Variants in ADGRL4 observed in about 807,000 individuals in gnomAD.
ADGRL4 encodes the protein adhesion G protein-coupled receptor L4.
Under a neutral mutation model 74.8 loss-of-function variants are expected in ADGRL4, and 90 were observed. The ratio of observed to expected loss-of-function variants is 1.20; its 90% CI spans 1.02 to 1.43. The LOEUF (loss-of-function observed/expected upper bound fraction) is 1.43. ADGRL4 is among the 40% of genes most tolerant of loss of function. ADGRL4 has a pLI of 0.00. For missense variants in ADGRL4, 881 were observed against 814.3 expected, an observed-to-expected ratio of 1.08 and a Z score of -1.00; for synonymous variants, 311 against 279.2, an observed-to-expected ratio of 1.11 and a Z score of -1.14.
intron 2 of ADGRL4, among the ~76,000 whole-genome samples, chr1:78,992,728 C>T (rs1650633129): frequency 6.6e-6 from 1 of 152,036 alleles, no homozygotes; most frequent in Admixed American, 6.6e-5. Context: ...GCAGAAAAAT[C>T]ACAATTTTTA....
chr1:78,938,511 C>A (rs1649407163), intron 4 of ADGRL4, among the ~76,000 whole-genome samples: 1 of 131,140 alleles, frequency 7.6e-6, no homozygotes, highest in African/African-American at 2.8e-5. Context: ...AGAAATAGAG[C>A]ATGTTTGAAT....
At chr1:78,996,224 C>A (rs1185615505) in intron 2 of ADGRL4, among the ~76,000 whole-genome samples, 1 of 152,168 alleles carries the variant, frequency 6.6e-6, no homozygotes, top group Admixed American at 6.6e-5. Flanking sequence ...GGCATCTATT[C>A]ATCCTCCTGA....
chr1:78,899,269 G>T (rs527285125), intron 12 of ADGRL4, among the ~76,000 whole-genome samples: 2 of 152,156 alleles, frequency 1.3e-5, no homozygotes, highest in Non-Finnish European at 2.9e-5. Flanking sequence ...CAACAGATGG[G>T]TTTCTACTGA....
At chr1:78,956,598 T>A (rs1465522765) in intron 2 of ADGRL4, among the ~76,000 whole-genome samples, 3 of 152,194 alleles carry the variant, frequency 2.0e-5, no homozygotes, top group Non-Finnish European at 2.9e-5. Flanking sequence ...TCCCCATTTT[T>A]AAAATCTATT....
At chr1:78,892,809 G>T (rs1648311523) in intron 13 of ADGRL4, among the ~76,000 whole-genome samples, 1 of 151,928 alleles carries the variant, frequency 6.6e-6, no homozygotes, top group African/African-American at 2.4e-5. Context: ...GTTCTGAAAA[G>T]CATTTTACAA....
chr1:78,976,350 C>A (rs901872914), intron 2 of ADGRL4, among the ~76,000 whole-genome samples: 1 of 151,778 alleles, frequency 6.6e-6, no homozygotes, highest in Non-Finnish European at 1.5e-5. Context: ...GAAAATAGGA[C>A]ATTGGGTAGA....
intron 7 of ADGRL4, among the ~76,000 whole-genome samples, chr1:78,935,060 A>G (rs189617347): frequency 2.1e-4 from 32 of 152,308 alleles, no homozygotes; most frequent in Admixed American, 7.2e-4. Flanking sequence ...CTGGGTATGT[A>G]CCCAAAGGAT....
chr1:78,986,860 T>A (rs1037018252), intron 2 of ADGRL4, among the ~76,000 whole-genome samples: 1 of 151,728 alleles, frequency 6.6e-6, no homozygotes, highest in Non-Finnish European at 1.5e-5. Flanking sequence ...ATAGTAAAAA[T>A]GTATCTTGGA....
intron 12 of ADGRL4, among the ~76,000 whole-genome samples, chr1:78,894,834 T>C (rs138365670): frequency 1.3e-4 from 19 of 151,950 alleles, no homozygotes; most frequent in African/African-American, 4.3e-4. Context: ...AGCTGTTCTC[T>C]AGATCCACAA....
At chr1:79,002,937 T>C (rs936867919) in intron 2 of ADGRL4, among the ~76,000 whole-genome samples, 5 of 152,150 alleles carry the variant, frequency 3.3e-5, no homozygotes, top group African/African-American at 1.2e-4. Context: ...GCTCTTTTAA[T>C]ATGTTTAGTG....
At chr1:78,987,721 A>G (rs1650526736) in intron 2 of ADGRL4, among the ~76,000 whole-genome samples, 3 of 151,778 alleles carry the variant, frequency 2.0e-5, no homozygotes, top group Admixed American at 6.6e-5. Context: ...ATTTATATGG[A>G]GAGTTTCTTT....
chr1:78,924,831 G>A (rs531069681), intron 8 of ADGRL4, among the ~76,000 whole-genome samples: 11 of 152,052 alleles, frequency 7.2e-5, no homozygotes, highest in African/African-American at 1.9e-4. Context: ...AAGCATGAGC[G>A]GATGGATAGT....
intron 12 of ADGRL4, among the ~76,000 whole-genome samples, chr1:78,901,366 G>C (rs908107366): frequency 6.6e-5 from 10 of 152,112 alleles, no homozygotes; most frequent in Non-Finnish European, 1.3e-4. Flanking sequence ...TCAAAGGAAG[G>C]GGGGCTACAT....
intron 7 of ADGRL4, among the ~76,000 whole-genome samples, chr1:78,929,579 T>C (rs1649196839): frequency 1.3e-5 from 2 of 151,566 alleles, no homozygotes; most frequent in Admixed American, 1.3e-4. Context: ...CCAATGGTAC[T>C]GTTTATGTTT....
rs192303149 is a variant in ADGRL4, at chr1:78,972,972, G to A, written c.173-26546C>T. On this transcript the variant is annotated intron_variant, in intron 2 of 14. Coordinates refer to ENST00000370742, the MANE Select transcript of ADGRL4 (RefSeq NM_022159.4). ...CAGCTATGAACATAGGACTGATTTC[G>A]GTTGCAAAGCACATACTTCTGTAGT... is the stretch of plus-strand genomic sequence containing the variant. 3.2e-4 allele frequency among the ~76,000 whole-genome samples: 48 copies of A among 152,244 alleles called. No individual in the cohort carries two copies. In the East Asian group the frequency reaches 7.3e-3, roughly 23 times the overall value.
intron 2 of ADGRL4, among the ~76,000 whole-genome samples, chr1:79,000,401 T>A (rs1195771048): frequency 2.6e-5 from 4 of 152,216 alleles, no homozygotes; most frequent in Non-Finnish European, 5.9e-5. Flanking sequence ...CTGACCTTAA[T>A]GAACCAGGTC....
intron 7 of ADGRL4, among the ~76,000 whole-genome samples, chr1:78,927,592 C>T (rs1474210745): frequency 6.6e-6 from 1 of 152,042 alleles, no homozygotes; most frequent in Non-Finnish European, 1.5e-5. Flanking sequence ...ATATTGATAA[C>T]ATGTAATTAT....
intron 10 of ADGRL4, among the ~76,000 whole-genome samples, chr1:78,919,600 C>T (rs188025788): frequency 8.6e-5 from 13 of 152,034 alleles, no homozygotes; most frequent in African/African-American, 2.9e-4. Flanking sequence ...CTCCAAGCCT[C>T]TCTCTTCCCA....
chr1:78,964,170 G>A (rs185530054), intron 2 of ADGRL4, among the ~76,000 whole-genome samples: 9 of 152,228 alleles, frequency 5.9e-5, no homozygotes, highest in Non-Finnish European at 1.3e-4. Context: ...GAGCAAAGGA[G>A]ACTGATTCAA....
Sources: allele counts gnomAD v4.1 joint callset (sites outside exome capture counted in the v4.1 genomes callset), GRCh38; gene constraint gnomAD v4.1.1; transcripts MANE v1.5; gene names NCBI Gene and HGNC (gene_info 2026-07-23, HGNC 2026-07-21).